The following RBFOX1 variants were observed in gnomAD, a reference collection of about 807,000 sequenced individuals.
RBFOX1 encodes RNA binding fox-1 homolog 1, also known as RNA binding protein fox-1 homolog 1.
Under a neutral mutation model 57.7 loss-of-function variants are expected in RBFOX1, and 8 were observed. The ratio of observed to expected loss-of-function variants is 0.14; its 90% CI spans 0.08 to 0.25. RBFOX1 has a LOEUF of 0.25. Among genes scored for constraint, RBFOX1 ranks in the 10% least tolerant of loss-of-function variants. The pLI is 1.00. For synonymous variants in RBFOX1, 326 were observed against 222.4 expected (o/e 1.47, Z -4.15); for missense variants, 611 against 548.5 (o/e 1.11, Z -1.14).
rs111997607 is a variant in RBFOX1 at position 5,354,926 on chromosome 16, C to T, written c.220-112290C>T. Among the ~76,000 whole-genome samples, 438 of 151,912 alleles carry T rather than the reference C, an allele frequency of 2.9e-3. 7 individuals are homozygous for T. Among genetic ancestry groups the T allele is most frequent in the African/African-American group, 0.01 (424 of 41,428 alleles). The stretch of plus-strand genomic sequence containing the variant: ...GAGGTCTTATCTGCTCAGCTAAGGG[C>T]GCCTGAGGGTGGTTAAGGGTCCCGT... On this transcript the variant is annotated intron_variant, in intron 1 of 2. Coordinates refer to the RBFOX1 transcript ENST00000585867.
chr16:6,658,586 C>T (rs1012624054), intron 3 of RBFOX1, among the ~76,000 whole-genome samples: 2 of 152,120 alleles, frequency 1.3e-5, no homozygotes, highest in African/African-American at 2.4e-5. Flanking sequence ...TGAGACTCTT[C>T]ATAGAATAAA....
intron 3 of RBFOX1, among the ~76,000 whole-genome samples, chr16:6,804,278 G>A (rs1214585361): frequency 1.3e-5 from 2 of 151,964 alleles, no homozygotes; most frequent in Non-Finnish European, 2.9e-5. Context: ...AAAGTCCTGG[G>A]ATTACAGGCA....
chr16:5,688,606 T>C (rs1423054830), intron 3 of RBFOX1, among the ~76,000 whole-genome samples: 3 of 152,166 alleles, frequency 2.0e-5, no homozygotes, highest in African/African-American at 7.2e-5. Context: ...GGATGGGTGA[T>C]GGCCTGAACT....
chr16:7,600,823 A>C (rs1246508210), intron 9 of RBFOX1, among the ~76,000 whole-genome samples: 2 of 152,242 alleles, frequency 1.3e-5, no homozygotes, highest in Non-Finnish European at 2.9e-5. Flanking sequence ...TACAGTTAAT[A>C]ACATGGAGGG....
intron 2 of RBFOX1, among the ~76,000 whole-genome samples, chr16:6,541,515 C>T (rs558723157): frequency 1.3e-5 from 2 of 152,104 alleles, no homozygotes; most frequent in South Asian, 2.1e-4. Context: ...ATCAGGGTGA[C>T]GTAGTAGTAC....
intron 3 of RBFOX1, among the ~76,000 whole-genome samples, chr16:6,925,322 G>C (rs935165196): frequency 1.3e-5 from 2 of 150,920 alleles, no homozygotes; most frequent in Non-Finnish European, 3.0e-5. Flanking sequence ...ATAGGGTTTC[G>C]TCCTGTTGGC....
At chr16:7,088,484 G>C (rs1352665245) in intron 4 of RBFOX1, among the ~76,000 whole-genome samples, 1 of 151,944 alleles carries the variant, frequency 6.6e-6, no homozygotes, top group Non-Finnish European at 1.5e-5. Context: ...TCTTGAAAAA[G>C]GTAGATTTAC....
At chr16:6,995,990 G>A (rs920762194) in intron 3 of RBFOX1, among the ~76,000 whole-genome samples, 2 of 152,152 alleles carry the variant, frequency 1.3e-5, no homozygotes, top group African/African-American at 4.8e-5. Flanking sequence ...CCCATTGGAA[G>A]TATATTTATA....
At chr16:5,299,358 T>C (rs2063750746) in intron 1 of RBFOX1, among the ~76,000 whole-genome samples, 1 of 152,236 alleles carries the variant, frequency 6.6e-6, no homozygotes, top group Non-Finnish European at 1.5e-5. Context: ...TAGACATTTG[T>C]TTCCAGTTTT....
chr16:5,473,376 T>G (rs2069204189), intron 2 of RBFOX1, among the ~76,000 whole-genome samples: 1 of 152,174 alleles, frequency 6.6e-6, no homozygotes, highest in Admixed American at 6.5e-5. Context: ...ATACCTCTTT[T>G]TAATTACTTT....
chr16:5,318,853 T>C (rs899019922), intron 1 of RBFOX1, among the ~76,000 whole-genome samples: 59 of 152,070 alleles, frequency 3.9e-4, no homozygotes, highest in African/African-American at 1.4e-3. Context: ...AGAGTTGGGG[T>C]TGGGCATGGT....
intron 1 of RBFOX1, among the ~76,000 whole-genome samples, chr16:5,335,032 A>G (rs1181403548): frequency 6.6e-6 from 1 of 152,128 alleles, no homozygotes; most frequent in African/African-American, 2.4e-5. Flanking sequence ...GATAAACATC[A>G]CCAAAGTGAT....
intron 4 of RBFOX1, among the ~76,000 whole-genome samples, chr16:7,196,640 G>C (rs2086770031): frequency 6.6e-6 from 1 of 152,184 alleles, no homozygotes; most frequent in East Asian, 1.9e-4. Context: ...AGAACTTGTA[G>C]TTAGGCAAAG....
intron 3 of RBFOX1, among the ~76,000 whole-genome samples, chr16:6,926,189 C>T (rs962686960): frequency 2.0e-5 from 3 of 152,140 alleles, no homozygotes; most frequent in Non-Finnish European, 4.4e-5. Flanking sequence ...CATCTGTAAT[C>T]TCAGCTAATC....
chr16:6,953,395 G>T (rs1253578192), intron 3 of RBFOX1, among the ~76,000 whole-genome samples: 1 of 150,676 alleles, frequency 6.6e-6, no homozygotes, highest in African/African-American at 2.4e-5. Flanking sequence ...TGTTGTTATT[G>T]TTTTTTTTTG....
rs111759749 is a variant in RBFOX1 at position 7,083,857 on chromosome 16, C to G, written c.27+31759C>G. On this transcript the variant is annotated intron_variant, in intron 4 of 15. Transcript: ENST00000550418. ...TCTTGGCTTGGTGGCTCCCTTGGTT[C>G]TCTACCATCCTGAGGAATGGTGACT... Among the ~76,000 whole-genome samples the G allele has an allele frequency of 2.2e-3, 341 of 152,210 alleles. 4 individuals are homozygous for G. Among genetic ancestry groups the G allele is most frequent in the African/African-American group, 7.4e-3 (309 of 41,538 alleles).
At chr16:5,666,447 G>A (rs1381350239) in intron 3 of RBFOX1, among the ~76,000 whole-genome samples, 1 of 152,150 alleles carries the variant, frequency 6.6e-6, no homozygotes, top group Non-Finnish European at 1.5e-5. Flanking sequence ...AATTCACTTT[G>A]TTCCCTGGAT....
intron 3 of RBFOX1, among the ~76,000 whole-genome samples, chr16:7,044,676 G>A (rs1189000681): frequency 1.3e-5 from 2 of 151,386 alleles, no homozygotes; most frequent in African/African-American, 4.9e-5. Context: ...AAAATATATT[G>A]GTTTTGTGCA....
chr16:6,855,185 C>G (rs879688618), intron 3 of RBFOX1, among the ~76,000 whole-genome samples: 1 of 151,978 alleles, frequency 6.6e-6, no homozygotes, highest in Non-Finnish European at 1.5e-5. Context: ...CATGATATCC[C>G]CAGTACCCAA....
Sources: gnomAD v4.1 joint callset for allele counts (sites outside exome capture counted in the v4.1 genomes callset) on GRCh38, gnomAD v4.1.1 for gene constraint, MANE v1.5 for transcripts, NCBI Gene and HGNC (gene_info 2026-07-23, HGNC 2026-07-21) for gene names.